Variants in CLMN observed in about 807,000 individuals in gnomAD.
CLMN encodes calmin, also known as calmin (calponin-like, transmembrane).
A neutral mutation model predicts 92.7 loss-of-function variants in CLMN; 57 were observed. The ratio of observed to expected loss-of-function variants is 0.61; its 90% CI spans 0.50 to 0.77. The LOEUF (loss-of-function observed/expected upper bound fraction) is 0.77. CLMN is among the 30% of genes least tolerant of loss of function. The pLI, the probability that CLMN is intolerant of heterozygous loss-of-function variation, is 0.00. For synonymous variants in CLMN, 466 were observed against 470.6 expected (o/e 0.99, Z 0.13); for missense variants, 1,158 against 1,237.5 (o/e 0.94, Z 0.96).
At chr14:95,245,970 T>C (rs1898556425) in intron 1 of CLMN, among the ~76,000 whole-genome samples, 1 of 152,112 alleles carries the variant, frequency 6.6e-6, no homozygotes, top group Non-Finnish European at 1.5e-5. Context: ...CTCTTTGCAT[T>C]TGGCCTCCAA....
chr14:95,231,190 TAAC>T (rs796958185), intron 1 of CLMN, among the ~76,000 whole-genome samples: 3 of 148,548 alleles, frequency 2.0e-5, no homozygotes, highest in Admixed American at 6.7e-5. Flanking sequence ...TTAAATCCTC[TAAC>T]TTTTTTTTTT....
chr14:95,285,794 G>A (rs1900319247), intron 1 of CLMN, among the ~76,000 whole-genome samples: 1 of 152,148 alleles, frequency 6.6e-6, no homozygotes, highest in African/African-American at 2.4e-5. Context: ...TGGGATATGT[G>A]GATAAGGTAT....
chr14:95,291,372 G>A (rs1410435761), intron 1 of CLMN, among the ~76,000 whole-genome samples: 1 of 152,196 alleles, frequency 6.6e-6, no homozygotes, highest in Non-Finnish European at 1.5e-5. Flanking sequence ...CAGCTCCTGC[G>A]TCTCGGGGCT....
chr14:95,194,462 C>A lies in CLMN; in HGVS notation c.2769+74G>T, dbSNP rs1209946006. The A allele has an allele frequency of 2.6e-5, 42 of 1,610,060 alleles. No individual in the cohort carries two copies. The highest frequency in any genetic ancestry group is 3.6e-5 in the Non-Finnish European group (42 of 1,177,590). On this transcript the variant is annotated intron_variant, in intron 11 of 12. Coordinates refer to ENST00000298912, the MANE Select transcript of CLMN (RefSeq NM_024734.4). This position sits in a 1 kb window ranked among gnomAD's most constrained non-coding sequence, Gnocchi z 4.0. Reference sequence around the variant, plus strand: ...ATGCCAGTAATTTCAAAGCTCTGGGCTGGGGAGGAGGAAGGATGGAAAGGA... The same window carrying A: ...ATGCCAGTAATTTCAAAGCTCTGGGATGGGGAGGAGGAAGGATGGAAAGGA...
rs189311423 is a variant in CLMN, at chr14:95,294,040, G to A, written c.82+25671C>T. 2.0e-5 allele frequency among the ~76,000 whole-genome samples: 3 copies of A among 149,784 alleles called. No individual in the cohort carries two copies. The highest frequency in any genetic ancestry group is 4.0e-4 in the East Asian group (2 of 4,978). ...CCAAAGAGGAGGAGGAGGAGGAGGA[G>A]GCCAGAAGTCTGGCTGGAGGGCTTC... On this transcript the variant is annotated intron_variant, in intron 1 of 12. Coordinates refer to ENST00000298912, the MANE Select transcript of CLMN (RefSeq NM_024734.4). The surrounding 1 kb of genome is among the most constrained non-coding windows in gnomAD (Gnocchi z 4.2).
At chr14:95,205,851 G>T (rs1897032381) in intron 8 of CLMN, among the ~76,000 whole-genome samples, 1 of 152,058 alleles carries the variant, frequency 6.6e-6, no homozygotes, top group African/African-American at 2.4e-5. Flanking sequence ...GGGGATAAAT[G>T]CACACAAAAG....
chr14:95,213,809 C>T (rs1342872200), intron 5 of CLMN, among the ~76,000 whole-genome samples: 1 of 152,098 alleles, frequency 6.6e-6, no homozygotes, highest in African/African-American at 2.4e-5. Context: ...CTCGATGTCC[C>T]TTCCCTCCAT....
At chr14:95,198,702 CG>C (rs1896793760) in intron 9 of CLMN, among the ~76,000 whole-genome samples, 1 of 152,090 alleles carries the variant, frequency 6.6e-6, no homozygotes, top group African/African-American at 2.4e-5. Flanking sequence ...CTAGATCTCC[CG>C]ATTCTACCAC....
intron 10 of CLMN, among the ~76,000 whole-genome samples, chr14:95,195,523 C>A (rs1044006642): frequency 1.4e-4 from 21 of 152,250 alleles, no homozygotes; most frequent in African/African-American, 5.1e-4. Context: ...CTTCTCCCTA[C>A]CCCTCCCCAA....
intron 1 of CLMN, among the ~76,000 whole-genome samples, chr14:95,230,416 T>C (rs1404064170): frequency 6.6e-6 from 1 of 152,224 alleles, no homozygotes; most frequent in Non-Finnish European, 1.5e-5. Context: ...ATCTGACAGT[T>C]CAGGCTAAGA....
chr14:95,283,125 C>T (rs1900202602), intron 1 of CLMN, among the ~76,000 whole-genome samples: 1 of 152,206 alleles, frequency 6.6e-6, no homozygotes, highest in Non-Finnish European at 1.5e-5. Context: ...GAGAGGGACC[C>T]AGTGGGAGGT....
chr14:95,243,686 A>G (rs1488933177), intron 1 of CLMN, among the ~76,000 whole-genome samples: 1 of 151,022 alleles, frequency 6.6e-6, no homozygotes, highest in Non-Finnish European at 1.5e-5. Flanking sequence ...TTTTCAATAG[A>G]TCAAATTTTG....
intron 1 of CLMN, among the ~76,000 whole-genome samples, chr14:95,246,022 A>G: frequency 6.6e-6 from 1 of 152,124 alleles, no homozygotes; most frequent in East Asian, 1.9e-4. Flanking sequence ...ATTAATCATG[A>G]CTTTTTATTT....
At chr14:95,243,035 T>C (rs1362229965) in intron 1 of CLMN, among the ~76,000 whole-genome samples, 1 of 152,230 alleles carries the variant, frequency 6.6e-6, no homozygotes, top group Non-Finnish European at 1.5e-5. Context: ...CAAGTCATCA[T>C]CATGGTGTGA....
intron 1 of CLMN, among the ~76,000 whole-genome samples, chr14:95,255,158 G>A (rs1476024708): frequency 6.6e-6 from 1 of 152,172 alleles, no homozygotes; most frequent in African/African-American, 2.4e-5. Context: ...GCAAGCCAAG[G>A]AGAGCGCTTC....
At position 95,189,968 on chromosome 14, in the gene CLMN, C is replaced by T. The variant is rs1414208074; in HGVS notation, c.*1596G>A. 1 of 152,148 alleles carries T rather than the reference C, an allele frequency of 6.6e-6. No homozygotes were observed. Among genetic ancestry groups the T allele is most frequent in the South Asian group, 2.1e-4 (1 of 4,824 alleles). 9.4% of individuals were successfully genotyped at this position (152,148 alleles called of 1,614,324 possible). ...ATGCTGGAATTCTGTAAACTTGAAA[C>T]CCACTGCTTGAAATGAGCAAGTCCT... On this transcript the variant is annotated 3_prime_UTR_variant, in exon 13 of 13. Coordinates refer to ENST00000298912, the MANE Select transcript of CLMN (RefSeq NM_024734.4).
At chr14:95,301,287 C>T (rs1279121012) in intron 1 of CLMN, among the ~76,000 whole-genome samples, 1 of 152,206 alleles carries the variant, frequency 6.6e-6, no homozygotes, top group Non-Finnish European at 1.5e-5. Context: ...ACACAGCTCC[C>T]CCTTCATTTG....
chr14:95,221,584 C>T, intron 4 of CLMN, 107 bp downstream of exon 4: 2 of 933,530 alleles, frequency 2.1e-6, no homozygotes, highest in Admixed American at 2.3e-5. Context: ...ACCATTTTAG[C>T]TCAGTCCCCG....
intron 1 of CLMN, among the ~76,000 whole-genome samples, chr14:95,241,368 T>C (rs946152204): frequency 6.6e-5 from 10 of 152,078 alleles, no homozygotes; most frequent in Non-Finnish European, 4.4e-5. Context: ...AGCTACTATG[T>C]CCAGGAGAGC....
Sources: gnomAD v4.1 joint callset for allele counts (sites outside exome capture counted in the v4.1 genomes callset) on GRCh38, gnomAD v4.1.1 for gene constraint, Gnocchi (gnomAD v3.1) non-coding constraint, MANE v1.5 for transcripts, NCBI Gene and HGNC (gene_info 2026-07-23, HGNC 2026-07-21) for gene names.